The following BACH2 variants were observed in gnomAD, a reference collection of about 807,000 sequenced individuals.
BACH2 encodes the protein BACH transcriptional regulator 2, also known as transcription regulator protein BACH2.
Under a neutral mutation model 61.8 loss-of-function variants are expected in BACH2, and 5 were observed. The observed-to-expected ratio is 0.08, with a 90% confidence interval of 0.04 to 0.17. The LOEUF (loss-of-function observed/expected upper bound fraction) is 0.17. Ranked by LOEUF, BACH2 falls within the 10% of genes least tolerant of loss-of-function variation. The probability of loss-of-function intolerance (pLI) is 1.00; values close to 1 mark genes in which losing one functional copy is unlikely to be tolerated. For synonymous variants in BACH2, 446 were observed against 440.1 expected (o/e 1.01, Z -0.17); for missense variants, 824 against 1,091.1 (o/e 0.76, Z 3.45).
At chr6:90,258,654 T>G (rs1254079672) in intron 2 of BACH2, among the ~76,000 whole-genome samples, 2 of 152,204 alleles carry the variant, frequency 1.3e-5, no homozygotes, top group African/African-American at 4.8e-5. Flanking sequence ...TTGCTTTGGG[T>G]ACTATGGACA....
At chr6:89,968,634 TAATC>T (rs1404547182) in intron 6 of BACH2, among the ~76,000 whole-genome samples, 1 of 152,218 alleles carries the variant, frequency 6.6e-6, no homozygotes, top group Non-Finnish European at 1.5e-5. Context: ...TGTTACTAAA[TAATC>T]AATGCAAAAA....
chr6:89,995,970 G>A (rs1035881639), intron 6 of BACH2, among the ~76,000 whole-genome samples: 5 of 152,314 alleles, frequency 3.3e-5, no homozygotes, highest in African/African-American at 1.2e-4. Context: ...CTTGTTCTTA[G>A]TGGAGGAACC....
At chr6:90,236,276 G>C (rs1456120547) in intron 3 of BACH2, among the ~76,000 whole-genome samples, 2 of 152,206 alleles carry the variant, frequency 1.3e-5, no homozygotes, top group Admixed American at 6.5e-5. Flanking sequence ...ATGCTTTTTA[G>C]AGTTTAGTGA....
chr6:90,252,911 A>T lies in BACH2; in HGVS notation c.-352-321T>A, dbSNP rs1245942278. Reference sequence around the variant, plus strand: ...TGCATTAATAAAGACACTGTTCTCAAGGCCAGATAAGCCACAGTCCCTCTC... The same window carrying T: ...TGCATTAATAAAGACACTGTTCTCATGGCCAGATAAGCCACAGTCCCTCTC... On this transcript the variant is annotated intron_variant, in intron 2 of 8. Transcript: ENST00000257749. Among the ~76,000 whole-genome samples, 5 of 152,350 alleles carry T rather than the reference A, an allele frequency of 3.3e-5. No homozygotes were observed. The East Asian group carries it at 9.6e-4, about 29-fold the overall frequency.
At chr6:90,058,509 G>A (rs1780494977) in intron 5 of BACH2, among the ~76,000 whole-genome samples, 1 of 152,260 alleles carries the variant, frequency 6.6e-6, no homozygotes, top group East Asian at 1.9e-4. Flanking sequence ...CCATGCTCAT[G>A]GGTAGGAAGA....
intron 3 of BACH2, among the ~76,000 whole-genome samples, chr6:90,218,801 A>G (rs1253684927): frequency 6.6e-6 from 1 of 152,090 alleles, no homozygotes; most frequent in Non-Finnish European, 1.5e-5. Context: ...AAGCTCCCCA[A>G]ACAGAAACTT....
intron 6 of BACH2, among the ~76,000 whole-genome samples, chr6:89,954,517 ATTTT>A (rs35054443): frequency 8.7e-6 from 1 of 114,426 alleles, no homozygotes; most frequent in Non-Finnish European, 1.7e-5. Flanking sequence ...CCTTATCACC[ATTTT>A]TTTTTTTTTT....
intron 4 of BACH2, among the ~76,000 whole-genome samples, chr6:90,198,191 G>A (rs376264602): frequency 2.6e-5 from 4 of 152,274 alleles, no homozygotes; most frequent in East Asian, 1.9e-4. Context: ...TGTATGTAAC[G>A]GCTTGCACCT....
At chr6:90,218,222 G>C (rs1196003224) in intron 3 of BACH2, 1 of 152,212 alleles carries the variant, frequency 6.6e-6, no homozygotes, top group Non-Finnish European at 1.5e-5. Flanking sequence ...ACCCAACGCT[G>C]TCAACAGTGT....
intron 6 of BACH2, among the ~76,000 whole-genome samples, chr6:89,976,854 C>T (rs1380518751): frequency 6.6e-6 from 1 of 152,138 alleles, no homozygotes; most frequent in Non-Finnish European, 1.5e-5. Context: ...AAAAAAATCA[C>T]ACATAAAATA....
At chr6:90,090,476 A>G (rs1782115487) in intron 4 of BACH2, among the ~76,000 whole-genome samples, 1 of 152,208 alleles carries the variant, frequency 6.6e-6, no homozygotes, top group African/African-American at 2.4e-5. Flanking sequence ...ACCTTATCAC[A>G]GACAGAGAAA....
At chr6:89,964,807 CCT>C (rs1774958420) in intron 6 of BACH2, among the ~76,000 whole-genome samples, 1 of 152,118 alleles carries the variant, frequency 6.6e-6, no homozygotes, top group Admixed American at 6.5e-5. Flanking sequence ...CAATTTTGCT[CCT>C]CTCTCTTCTA....
intron 6 of BACH2, among the ~76,000 whole-genome samples, chr6:89,994,723 C>A (rs966115705): frequency 3.3e-5 from 5 of 152,182 alleles, no homozygotes; most frequent in African/African-American, 1.2e-4. Context: ...TATGCCCCAT[C>A]CTTTTCCTGA....
chr6:90,229,745 T>C (rs988219989), intron 3 of BACH2, among the ~76,000 whole-genome samples: 1 of 152,222 alleles, frequency 6.6e-6, no homozygotes, highest in Non-Finnish European at 1.5e-5. Flanking sequence ...ATACAGTCTT[T>C]AAACAGCCCT....
chr6:90,208,471 A>C (rs1416487883), intron 3 of BACH2, among the ~76,000 whole-genome samples: 3 of 152,236 alleles, frequency 2.0e-5, no homozygotes, highest in African/African-American at 7.2e-5. Flanking sequence ...ATCACTGGTC[A>C]TTAGAGAAAT....
intron 4 of BACH2, among the ~76,000 whole-genome samples, chr6:90,165,169 C>T (rs1212617051): frequency 3.9e-5 from 6 of 152,190 alleles, no homozygotes; most frequent in African/African-American, 1.4e-4. Flanking sequence ...AAAACCCCAT[C>T]ATCTCAGCAC....
intron 4 of BACH2, among the ~76,000 whole-genome samples, chr6:90,188,230 ATTTAT>A (rs1181541510): frequency 7.2e-5 from 11 of 152,312 alleles, no homozygotes; most frequent in Non-Finnish European, 1.2e-4. Flanking sequence ...AATTATCTAC[ATTTAT>A]TTTATTTTAT....
At chr6:90,179,120 C>CA (rs936367217) in intron 4 of BACH2, among the ~76,000 whole-genome samples, 3 of 152,016 alleles carry the variant, frequency 2.0e-5, no homozygotes, top group Non-Finnish European at 4.4e-5. Flanking sequence ...AACAGTCAGT[C>CA]AGACTCCGAA....
intron 4 of BACH2, among the ~76,000 whole-genome samples, chr6:90,118,245 G>C (rs1783483628): frequency 6.6e-6 from 1 of 152,172 alleles, no homozygotes; most frequent in African/African-American, 2.4e-5. Context: ...TAAGGGAACA[G>C]GGACAATGGC....
Sources: allele counts gnomAD v4.1 joint callset (sites outside exome capture counted in the v4.1 genomes callset), GRCh38; gene constraint gnomAD v4.1.1; transcripts MANE v1.5; gene names NCBI Gene and HGNC (gene_info 2026-07-23, HGNC 2026-07-21).